The following NPM2 variants were observed in gnomAD, a reference collection of about 807,000 sequenced individuals.
NPM2 encodes nucleophosmin/nucleoplasmin 2.
NPM2 carries 25 observed loss-of-function variants against 32.0 expected under a neutral mutation model. That is an observed-to-expected ratio of 0.78 (90% CI 0.57 to 1.09). The LOEUF (loss-of-function observed/expected upper bound fraction) is 1.09, where lower values mean the gene tolerates loss of function less well. Ranked by LOEUF, NPM2 falls within the 50% of genes least tolerant of loss-of-function variation. NPM2 has a pLI of 0.00. For synonymous variants in NPM2, 111 were observed against 94.2 expected (o/e 1.18, Z -1.04); for missense variants, 282 against 259.9 (o/e 1.08, Z -0.58).
chr8:22,036,466 C>A, intron 8 of NPM2, 27 bp from the exon 9 acceptor site: 3 of 1,598,106 alleles, frequency 1.9e-6, no homozygotes, highest in Non-Finnish European at 2.6e-6. Context: ...CCCAATCCCA[C>A]TCCTGCTCCG....
Position 22,036,732 on chromosome 8 carries a change from T to C in NPM2, c.*50T>C. Reference sequence around the variant, plus strand: ...TGCAAAGTGGGCCTTCCCTGGGCTGTGCTGCAGGCACAGGGTGCCCCTGTC... The same window carrying C: ...TGCAAAGTGGGCCTTCCCTGGGCTGCGCTGCAGGCACAGGGTGCCCCTGTC... On this transcript the variant is annotated 3_prime_UTR_variant, in exon 10 of 10. Transcript: ENST00000518119. 6.6e-7 allele frequency: 1 copy of C among 1,506,908 alleles called. No homozygotes were observed. Among genetic ancestry groups the C allele is most frequent in the Non-Finnish European group, 8.9e-7 (1 of 1,127,306 alleles). The allele number at this position is 1,506,908 out of a possible 1,614,324, so 93.3% of individuals were successfully genotyped here.
intron 5 of NPM2, among the ~76,000 whole-genome samples, chr8:22,029,417 T>G (rs1800361913): frequency 6.6e-6 from 1 of 152,218 alleles, no homozygotes; most frequent in Non-Finnish European, 1.5e-5. Context: ...GTGCTGGAAT[T>G]ATAGGTGTGA....
At chr8:22,032,124 T>C (rs1038198072) in intron 5 of NPM2, among the ~76,000 whole-genome samples, 10 of 152,212 alleles carry the variant, frequency 6.6e-5, no homozygotes, top group African/African-American at 2.2e-4. Flanking sequence ...GAGGATTTAA[T>C]GAGATAAAGC....
At chr8:22,025,053 G>C in intron 2 of NPM2, 163 bp from the exon 3 acceptor site, 1 of 580,568 alleles carries the variant, frequency 1.7e-6, no homozygotes, top group Non-Finnish European at 3.0e-6. Flanking sequence ...CTAGGAGGTG[G>C]GTACTCGTCC....
chr8:22,033,824 G>A (rs1215879148), intron 6 of NPM2, among the ~76,000 whole-genome samples: 1 of 151,992 alleles, frequency 6.6e-6, no homozygotes, highest in Non-Finnish European at 1.5e-5. Context: ...TTGCCAATAT[G>A]AATCCCCCTC....
intron 5 of NPM2, among the ~76,000 whole-genome samples, chr8:22,026,923 C>A (rs183489886): frequency 2.0e-5 from 3 of 152,088 alleles, no homozygotes; most frequent in African/African-American, 4.8e-5. Context: ...CATCTAAAAC[C>A]CTCTGCTTTT....
At position 22,024,574 on chromosome 8, in the gene NPM2, G is replaced by C. The variant is rs766621141; in HGVS notation, c.-190G>C. On this transcript the variant is annotated 5_prime_UTR_variant, in exon 1 of 10. Transcript: ENST00000518119. ...TCGGCCCCACCCAGACCGACGCCAA[G>C]GGCAGCTGTGGAGTGGGGCGCGGCA... 1 of 152,498 alleles carries C rather than the reference G, an allele frequency of 6.6e-6. No homozygotes were observed. Among genetic ancestry groups the C allele is most frequent in the Non-Finnish European group, 1.5e-5 (1 of 68,240 alleles). The allele number at this position is 152,498 out of a possible 1,614,324, so 9.4% of individuals were successfully genotyped here.
chr8:22,033,210 C>T lies in NPM2; in HGVS notation c.351C>T (p.Gly117=), dbSNP rs1800499654. ...RAGSGPVFLS[G]QERYEASDLT... Reference sequence around the variant, plus strand: ...GCTCAGGACCCGTGTTCCTCAGTGGCCAGGAACGTTATGGTAAGTCAGAGC... The same window carrying T: ...GCTCAGGACCCGTGTTCCTCAGTGGTCAGGAACGTTATGGTAAGTCAGAGC... The change falls in exon 6 of 10, where the codon GGC becomes GGT. Residue 117 remains glycine (G), a synonymous_variant. Coordinates refer to ENST00000518119, the MANE Select transcript of NPM2 (RefSeq NM_001286680.2). The T allele has an allele frequency of 1.2e-6, 2 of 1,613,804 alleles. No individual in the cohort carries two copies. The highest frequency in any genetic ancestry group is 1.7e-6 in the Non-Finnish European group (2 of 1,179,776).
At chr8:22,030,725 T>G (rs997730554) in intron 5 of NPM2, among the ~76,000 whole-genome samples, 1 of 152,050 alleles carries the variant, frequency 6.6e-6, no homozygotes, top group African/African-American at 2.4e-5. Flanking sequence ...TGTCGCCCAG[T>G]CTGGAGTGCA....
Position 22,031,358 on chromosome 8 carries a change from G to A in NPM2, c.271-1772G>A, listed in dbSNP as rs138469048. On this transcript the variant is annotated intron_variant, in intron 5 of 9. Coordinates refer to ENST00000518119, the MANE Select transcript of NPM2 (RefSeq NM_001286680.2). ...CTCACTAAGGGTATAGCCCTTGAGG[G>A]TCCTACCCTCCCCATGGTGGTCTCA... Among the ~76,000 whole-genome samples the A allele has an allele frequency of 6.8e-4, 104 of 152,290 alleles. 1 individual carries two copies. The East Asian group carries it at 0.017, about 24-fold the overall frequency.
At chr8:22,034,659 C>T in intron 8 of NPM2, 115 bp downstream of exon 8, 1 of 847,586 alleles carries the variant, frequency 1.2e-6, no homozygotes, top group Non-Finnish European at 1.9e-6. Flanking sequence ...GTGTGTCTAC[C>T]TGCACTCGCA....
At chr8:22,027,818 G>T (rs1200982408) in intron 5 of NPM2, among the ~76,000 whole-genome samples, 1 of 152,100 alleles carries the variant, frequency 6.6e-6, no homozygotes, top group Middle Eastern at 3.2e-3. Context: ...TGTTGGTCAG[G>T]CTGGTCTCGA....
In NPM2 at chr8:22,025,755, G is replaced by GCT; in HGVS notation, c.254_255insTC (p.Ser86ProfsTer10). On this transcript the variant is annotated frameshift_variant, in exon 5 of 10. Transcript: ENST00000518119. LOFTEE classifies it high-confidence loss of function. ...GCCGGTCACCATTGCCTCACTCCAG[G>GCT]CCTCAGTCCTCCCCATGGTGCGCAT... 6.2e-7 allele frequency: 1 copy of GCT among 1,614,080 alleles called. No homozygotes were observed. The highest frequency in any genetic ancestry group is 8.5e-7 in the Non-Finnish European group (1 of 1,180,010).
rs1390053155 is a variant in NPM2, at chr8:22,025,275, G to A, written c.27G>A (p.Thr9=). Residue 9 remains threonine, a synonymous_variant, in exon 3 of 10, where the codon ACG becomes ACA. Coordinates refer to ENST00000518119, the MANE Select transcript of NPM2 (RefSeq NM_001286680.2). Reference sequence around the variant, plus strand: ...TGAATCTCAGTAGCGCCAGTAGCACGGAGGAAAAGGCAGTGACGACCGTGC... The same window carrying A: ...TGAATCTCAGTAGCGCCAGTAGCACAGAGGAAAAGGCAGTGACGACCGTGC... The part of the protein sequence containing the change: MNLSSASS[T]EEKAVTTVLW... The A allele has an allele frequency of 6.2e-7, 1 of 1,611,124 alleles. No homozygotes were observed. Among genetic ancestry groups the A allele is most frequent in the South Asian group, 1.1e-5 (1 of 90,684 alleles).
Position 22,025,311 on chromosome 8 carries a change from G to GT in NPM2, c.58+6dup. Reference sequence around the variant, plus strand: ...CAGTGACGACCGTGCTCTGGGGTGAGTGGGGACTCAGGCTCCTTCCCAGAG... The same window carrying GT: ...CAGTGACGACCGTGCTCTGGGGTGAGTTGGGGACTCAGGCTCCTTCCCAGAG... On this transcript the variant is annotated splice_donor_region_variant and intron_variant, in intron 3 of 9. Coordinates refer to ENST00000518119, the MANE Select transcript of NPM2 (RefSeq NM_001286680.2). 6.2e-7 allele frequency: 1 copy of GT among 1,607,412 alleles called. No homozygotes were observed. The highest frequency in any genetic ancestry group is 8.5e-7 in the Non-Finnish European group (1 of 1,177,226).
intron 5 of NPM2, among the ~76,000 whole-genome samples, chr8:22,029,520 A>G (rs1041538160): frequency 2.6e-5 from 4 of 152,182 alleles, no homozygotes; most frequent in African/African-American, 9.7e-5. Flanking sequence ...AACACTACTC[A>G]TTACTAGTAC....
In NPM2 at chr8:22,025,269, T is replaced by C; in HGVS notation, c.21T>C (p.Ser7=). 6.2e-7 allele frequency: 1 copy of C among 1,611,638 alleles called. No individual in the cohort carries two copies. The change falls in exon 3 of 10, where the codon AGT becomes AGC. Residue 7 remains serine (S), a synonymous_variant. Coordinates refer to ENST00000518119, the MANE Select transcript of NPM2 (RefSeq NM_001286680.2). ...GAGCCATGAATCTCAGTAGCGCCAG[T>C]AGCACGGAGGAAAAGGCAGTGACGA... MNLSSA[S]STEEKAVTTV...
At chr8:22,035,222 A>G (rs1163498885) in intron 8 of NPM2, among the ~76,000 whole-genome samples, 1 of 152,258 alleles carries the variant, frequency 6.6e-6, no homozygotes. Context: ...TCAATGGAAT[A>G]TTACATAATG....
Position 22,025,665 on chromosome 8 carries a change from G to C in NPM2, c.163G>C (p.Ala55Pro), listed in dbSNP as rs140016297. The C allele has an allele frequency of 1.2e-5, 19 of 1,614,166 alleles. No homozygotes were observed. The African/African-American group carries it at 2.5e-4, about 22-fold the overall frequency. Residue 55 changes from alanine to proline, a missense_variant, in exon 5 of 10, where the codon GCC becomes CCC. Coordinates refer to ENST00000518119, the MANE Select transcript of NPM2 (RefSeq NM_001286680.2). ...LLHTICLGEK[A>P]KEEMHRVEIL... ...CGCTCAGATTTGCTTGGGGGAGAAA[G>C]CCAAAGAGGAGATGCATCGCGTGGA...
Sources: allele counts gnomAD v4.1 joint callset (sites outside exome capture counted in the v4.1 genomes callset), GRCh38; gene constraint gnomAD v4.1.1; transcripts MANE v1.5; gene names NCBI Gene and HGNC (gene_info 2026-07-23, HGNC 2026-07-21).